The following NDC1 variants were observed in gnomAD, a reference collection of about 807,000 sequenced individuals.
NDC1 encodes the protein NDC1 transmembrane nucleoporin.
In NDC1, 24 loss-of-function variants were observed where a neutral mutation model predicts 89.8. The ratio of observed to expected loss-of-function variants is 0.27; its 90% CI spans 0.19 to 0.38. The LOEUF (loss-of-function observed/expected upper bound fraction) is 0.38, where lower values mean the gene tolerates loss of function less well. Ranked by LOEUF, NDC1 falls within the 10% of genes least tolerant of loss-of-function variation. The pLI, the probability that NDC1 is intolerant of heterozygous loss-of-function variation, is 1.00. For missense variants in NDC1, 728 were observed against 797.6 expected (o/e 0.91, Z 1.05); for synonymous variants, 296 against 284.8 (o/e 1.04, Z -0.39).
Position 53,827,599 on chromosome 1 carries a change from C to T in NDC1, c.455+400G>A, listed in dbSNP as rs115722403. 4.7e-3 allele frequency among the ~76,000 whole-genome samples: 718 copies of T among 152,260 alleles called. 6 individuals are homozygous for T. Among genetic ancestry groups the T allele is most frequent in the African/African-American group, 0.016 (671 of 41,548 alleles). On this transcript the variant is annotated intron_variant, in intron 4 of 17. Coordinates refer to ENST00000371429, the MANE Select transcript of NDC1 (RefSeq NM_018087.5). ...TTTTTCTTCATTCTTTCCATACTAC[C>T]CTTCCTTCAAACTCCAACCAAATGC...
chr1:53,791,886 G>A (rs1384859123), intron 14 of NDC1, among the ~76,000 whole-genome samples: 1 of 151,814 alleles, frequency 6.6e-6, no homozygotes, highest in African/African-American at 2.4e-5. Flanking sequence ...TGAGGGAACT[G>A]AAGCGAAAAC....
chr1:53,831,083 G>C (rs1649050991), intron 3 of NDC1, among the ~76,000 whole-genome samples: 4 of 151,854 alleles, frequency 2.6e-5, no homozygotes. Flanking sequence ...AAATTAGCCA[G>C]GCATGGTGGC....
chr1:53,786,950 C>T (rs1647325061), intron 16 of NDC1, among the ~76,000 whole-genome samples: 1 of 152,154 alleles, frequency 6.6e-6, no homozygotes, highest in Admixed American at 6.5e-5. Context: ...CCAGCCTCAG[C>T]CTCCCAAAGT....
chr1:53,767,291 G>T lies in NDC1; in HGVS notation c.*679C>A, dbSNP rs1647073850. The T allele has an allele frequency of 6.6e-6, 1 of 152,102 alleles. No homozygotes were observed. Among genetic ancestry groups the T allele is most frequent in the Non-Finnish European group, 1.5e-5 (1 of 67,996 alleles). The allele number at this position is 152,102 out of a possible 1,614,324, so 9.4% of individuals were successfully genotyped here. ...ATAAATTCATAGATGTCAGTCAATT[G>T]TTTCTTAAAGACCAAATGTGAATTT... is the stretch of plus-strand genomic sequence containing the variant. On this transcript the variant is annotated 3_prime_UTR_variant, in exon 18 of 18. Coordinates refer to ENST00000371429, the MANE Select transcript of NDC1 (RefSeq NM_018087.5).
intron 1 of NDC1, among the ~76,000 whole-genome samples, chr1:53,835,908 A>C (rs1649217079): frequency 6.6e-6 from 1 of 152,166 alleles, no homozygotes; most frequent in Admixed American, 6.5e-5. Context: ...TTGTCTCTCT[A>C]GGCTTAATTG....
At chr1:53,789,220 C>A in intron 14 of NDC1, 24 bp from the exon 15 acceptor site, 1 of 1,545,834 alleles carries the variant, frequency 6.5e-7, no homozygotes, top group South Asian at 1.2e-5. Context: ...CAAAAACATT[C>A]AAGTGAATTC....
At chr1:53,823,684 T>C (rs535296213) in intron 5 of NDC1, among the ~76,000 whole-genome samples, 6 of 152,366 alleles carry the variant, frequency 3.9e-5, no homozygotes, top group Non-Finnish European at 8.8e-5. Flanking sequence ...GATGATTTAT[T>C]ATGGACATTT....
intron 16 of NDC1, among the ~76,000 whole-genome samples, chr1:53,774,888 C>T (rs1025839394): frequency 3.6e-4 from 55 of 151,974 alleles, no homozygotes; most frequent in African/African-American, 1.3e-3. Flanking sequence ...AACAACCTGT[C>T]TCTAAAAAAC....
In NDC1 at chr1:53,797,121, T is replaced by C; in HGVS notation, c.1246A>G (p.Lys416Glu). 6.2e-7 allele frequency: 1 copy of C among 1,614,094 alleles called. No individual in the cohort carries two copies. Among genetic ancestry groups the C allele is most frequent in the Non-Finnish European group, 8.5e-7 (1 of 1,179,966 alleles). ...SPEETAFQTPKSSQMPRPSVP... is the reference protein window; with the variant it reads ...SPEETAFQTPESSQMPRPSVP... ...GAAGGCCGAGGCATCTGGCTAGATT[T>C]TGGTGTCTGAAAAGCAGTTTCTTCT... Residue 416 changes from lysine to glutamate, a missense_variant, in exon 12 of 18, where the codon AAA becomes GAA. By Grantham distance (56) the Lys-to-Glu change is moderately conservative. Transcript: ENST00000371429.
At chr1:53,804,036 T>C in intron 9 of NDC1, 27 bp from the exon 10 acceptor site, 2 of 1,527,204 alleles carry the variant, frequency 1.3e-6, no homozygotes, top group Non-Finnish European at 1.8e-6. Context: ...ACACATATTA[T>C]TTAATTTTTT....
At chr1:53,830,808 G>A (rs1482010885) in intron 3 of NDC1, among the ~76,000 whole-genome samples, 9 of 151,784 alleles carry the variant, frequency 5.9e-5, no homozygotes, top group African/African-American at 1.2e-4. Flanking sequence ...GTTGCGGTGA[G>A]CCGAGATCAC....
At chr1:53,829,872 G>A (rs547715668) in intron 3 of NDC1, among the ~76,000 whole-genome samples, 11 of 152,366 alleles carry the variant, frequency 7.2e-5, no homozygotes, top group African/African-American at 2.6e-4. Context: ...AAGAAAGCAG[G>A]CTGAGTGCAG....
At chr1:53,780,364 G>A (rs186636413) in intron 16 of NDC1, among the ~76,000 whole-genome samples, 1,895 of 152,278 alleles carry the variant, frequency 0.012, 47 homozygotes, top group African/African-American at 0.043. Context: ...GTGAGCCACC[G>A]CGCCCAGCCT....
rs570972561 is a variant in NDC1, at chr1:53,772,618, G to T, written c.1801-129C>A. On this transcript the variant is annotated intron_variant, in intron 16 of 17. Transcript: ENST00000371429. ...GCGGGAGGACTGCTTGAGCCCAGGA[G>T]TTCCACTGTACTCCAGACTGGGCGA... is the stretch of plus-strand genomic sequence containing the variant. The T allele has an allele frequency of 1.5e-5, 10 of 686,630 alleles. No homozygotes were observed. In the East Asian group the frequency reaches 2.6e-4, roughly 18 times the overall value. The allele number at this position is 686,630 out of a possible 1,614,324, so 42.5% of individuals were successfully genotyped here.
chr1:53,837,088 T>C (rs1649258190), intron 1 of NDC1, among the ~76,000 whole-genome samples: 1 of 152,134 alleles, frequency 6.6e-6, no homozygotes, highest in African/African-American at 2.4e-5. Flanking sequence ...ATGTGGTATG[T>C]CCATACAGTG....
rs1170589846 is a variant in NDC1, at chr1:53,822,087, T to G, written c.595-3008A>C. Reference sequence around the variant, plus strand: ...TCTGATAAAGGCAATAGAACTGGTTTTAGTAGTGTAGGCAAGTTTAAAGAA... The same window carrying G: ...TCTGATAAAGGCAATAGAACTGGTTGTAGTAGTGTAGGCAAGTTTAAAGAA... On this transcript the variant is annotated intron_variant, in intron 5 of 17. Transcript: ENST00000371429. Among the ~76,000 whole-genome samples the G allele has an allele frequency of 3.3e-5, 5 of 152,322 alleles. No homozygotes were observed. In the East Asian group the frequency reaches 9.6e-4, roughly 29 times the overall value.
intron 16 of NDC1, among the ~76,000 whole-genome samples, chr1:53,777,195 A>T (rs529146968): frequency 2.0e-5 from 3 of 152,064 alleles, no homozygotes; most frequent in African/African-American, 4.8e-5. Context: ...AATTTTTTTT[A>T]AAACTTTTTA....
At chr1:53,774,272 T>C (rs1300959502) in intron 16 of NDC1, among the ~76,000 whole-genome samples, 2 of 152,172 alleles carry the variant, frequency 1.3e-5, no homozygotes, top group Non-Finnish European at 2.9e-5. Flanking sequence ...TTCACTGAAT[T>C]TCAACTACTA....
chr1:53,834,124 A>C (rs572548458), intron 2 of NDC1, among the ~76,000 whole-genome samples: 46 of 152,364 alleles, frequency 3.0e-4, no homozygotes, highest in Admixed American at 9.8e-4. Context: ...AAGCATCTAC[A>C]ATTAAACCCA....
Sources: allele counts gnomAD v4.1 joint callset (sites outside exome capture counted in the v4.1 genomes callset), GRCh38; gene constraint gnomAD v4.1.1; transcripts MANE v1.5; gene names NCBI Gene and HGNC (gene_info 2026-07-23, HGNC 2026-07-21).